The following KCNIP3 variants were observed in gnomAD, a reference collection of about 807,000 sequenced individuals.
KCNIP3 encodes potassium voltage-gated channel interacting protein 3, also known as calsenilin.
KCNIP3 carries 28 observed loss-of-function variants against 35.0 expected under a neutral mutation model. That is an observed-to-expected ratio of 0.80 (90% confidence interval 0.59 to 1.10). KCNIP3 has a LOEUF of 1.10. Ranked by LOEUF, KCNIP3 falls within the 50% of genes least tolerant of loss-of-function variation. KCNIP3 has a pLI of 0.00. For synonymous variants in KCNIP3, 134 were observed against 133.8 expected, an observed-to-expected ratio of 1.00 and a Z score of -0.01; for missense variants, 295 against 338.4, an observed-to-expected ratio of 0.87 and a Z score of 1.01.
chr2:95,305,944 C>A (rs563454701), intron 1 of KCNIP3, among the ~76,000 whole-genome samples: 47 of 152,286 alleles, frequency 3.1e-4, no homozygotes, highest in African/African-American at 1.1e-3. Context: ...AGTAAAGCTG[C>A]CATGAACATT....
At chr2:95,383,727 C>T (rs761827477) in intron 8 of KCNIP3, among the ~76,000 whole-genome samples, 3 of 152,246 alleles carry the variant, frequency 2.0e-5, no homozygotes, top group Non-Finnish European at 2.9e-5. Context: ...TCCTGGTTAG[C>T]GCCCACCTCC....
At chr2:95,350,772 A>T (rs1679496026) in intron 2 of KCNIP3, among the ~76,000 whole-genome samples, 1 of 152,180 alleles carries the variant, frequency 6.6e-6, no homozygotes, top group African/African-American at 2.4e-5. Context: ...TGGGAACTTT[A>T]AAAAATACCC....
intron 2 of KCNIP3, among the ~76,000 whole-genome samples, chr2:95,361,785 C>G (rs894653302): frequency 6.6e-6 from 1 of 152,220 alleles, no homozygotes; most frequent in African/African-American, 2.4e-5. Flanking sequence ...TGCACAGGCA[C>G]TGTTCCAGGG....
At chr2:95,357,332 A>C (rs1254419881) in intron 2 of KCNIP3, among the ~76,000 whole-genome samples, 1 of 152,190 alleles carries the variant, frequency 6.6e-6, no homozygotes, top group East Asian at 1.9e-4. Context: ...CCTGAGCAGC[A>C]GAGACTAAGT....
rs145403581 is a variant in KCNIP3 at position 95,335,390 on chromosome 2, C to T, written c.181+24870C>T. Among the ~76,000 whole-genome samples the T allele has an allele frequency of 2.5e-4, 38 of 152,310 alleles. No individual in the cohort carries two copies. The East Asian group carries it at 7.1e-3, about 29-fold the overall frequency. On this transcript the variant is annotated intron_variant, in intron 2 of 8. Transcript: ENST00000295225. ...CCAGTTACTGTTCTTTGAGCAATAG[C>T]ATTTGAAAAATGTTCTTCCATTGTA... is the stretch of plus-strand genomic sequence containing the variant.
intron 2 of KCNIP3, among the ~76,000 whole-genome samples, chr2:95,334,341 G>A (rs1466252454): frequency 2.6e-5 from 4 of 152,116 alleles, no homozygotes; most frequent in Admixed American, 6.5e-5. Context: ...TGTGCACCTG[G>A]TTCTCATGAC....
At position 95,378,705 on chromosome 2, in the gene KCNIP3, C is replaced by T. The variant is rs1312640035; in HGVS notation, c.448-2891C>T. Among the ~76,000 whole-genome samples the T allele has an allele frequency of 6.6e-6, 1 of 151,312 alleles. No individual in the cohort carries two copies. The highest frequency in any genetic ancestry group is 2.4e-5 in the African/African-American group (1 of 41,150). On this transcript the variant is annotated intron_variant, in intron 5 of 8. Transcript: ENST00000295225. The surrounding 1 kb of genome is among the most constrained non-coding windows in gnomAD (Gnocchi z 4.0). ...GAGGTTGCAGTGAGCTGAGATTGCA[C>T]CACTGTACTCCATCCAGCCTGGGTG...
intron 1 of KCNIP3, among the ~76,000 whole-genome samples, chr2:95,301,253 G>A (rs1392950931): frequency 5.9e-5 from 9 of 152,250 alleles, no homozygotes; most frequent in Non-Finnish European, 7.3e-5. Context: ...GGAGGCACGG[G>A]CCTGGCTGAC....
chr2:95,298,015 A>C (rs1288808393), intron 1 of KCNIP3, among the ~76,000 whole-genome samples: 1 of 152,226 alleles, frequency 6.6e-6, no homozygotes, highest in African/African-American at 2.4e-5. Flanking sequence ...CTTCCCACAC[A>C]TTCCCTTTCA....
intron 1 of KCNIP3, among the ~76,000 whole-genome samples, chr2:95,303,658 A>G (rs755911880): frequency 2.6e-5 from 4 of 151,856 alleles, no homozygotes; most frequent in South Asian, 2.1e-4. Flanking sequence ...CGAACCCCCA[A>G]TCTGATCTGC....
At chr2:95,313,619 A>C (rs1297903009) in intron 2 of KCNIP3, 1 of 152,246 alleles carries the variant, frequency 6.6e-6, no homozygotes, top group East Asian at 1.9e-4. Context: ...ACAACTGGAC[A>C]GACCTGTTTC....
rs139517527 is a variant in KCNIP3, at chr2:95,311,370, G to A, written c.181+850G>A. ...GGGATCACACATGTGAGTATGGTGCGTATAAGAGTCTGCCTCTGACTTTAA... is the reference window on the plus strand; with the variant it reads ...GGGATCACACATGTGAGTATGGTGCATATAAGAGTCTGCCTCTGACTTTAA... On this transcript the variant is annotated intron_variant, in intron 2 of 8. Transcript: ENST00000295225. 4.7e-3 allele frequency: 721 copies of A among 152,420 alleles called. 2 individuals are homozygous for A. Among genetic ancestry groups the A allele is most frequent in the Non-Finnish European group, 8.6e-3 (585 of 68,106 alleles). The allele number at this position is 152,420 out of a possible 1,614,324, so 9.4% of individuals were successfully genotyped here.
intron 2 of KCNIP3, among the ~76,000 whole-genome samples, chr2:95,320,700 C>T (rs1678572734): frequency 6.6e-6 from 1 of 152,176 alleles, no homozygotes; most frequent in Non-Finnish European, 1.5e-5. Flanking sequence ...CACCCGACCT[C>T]CTCCAGGAGT....
At chr2:95,340,234 G>C (rs1679161683) in intron 2 of KCNIP3, among the ~76,000 whole-genome samples, 1 of 152,214 alleles carries the variant, frequency 6.6e-6, no homozygotes, top group Non-Finnish European at 1.5e-5. Flanking sequence ...CTGCTCAGGA[G>C]GTGCGGCAGG....
chr2:95,358,595 G>A (rs965779643), intron 2 of KCNIP3, among the ~76,000 whole-genome samples: 1 of 152,162 alleles, frequency 6.6e-6, no homozygotes, highest in African/African-American at 2.4e-5. Flanking sequence ...TAATTCTATT[G>A]TACAGAAATG....
rs1680378098 is a variant in KCNIP3 at position 95,382,612 on chromosome 2, C to T, written c.660+131C>T. 1.7e-6 allele frequency: 1 copy of T among 593,234 alleles called. No homozygotes were observed. The highest frequency in any genetic ancestry group is 2.2e-5 in the South Asian group (1 of 44,736). 36.7% of individuals were successfully genotyped at this position (593,234 alleles called of 1,614,324 possible). On this transcript the variant is annotated intron_variant, in intron 7 of 8. Transcript: ENST00000295225. This position sits in a 1 kb window ranked among gnomAD's most constrained non-coding sequence, Gnocchi z 4.5. Reference sequence around the variant, plus strand: ...CTCCCCATGAGGAGGTTAAACTTGCCCCTCCAGTCTGGCTGGTTGTCAGAA... The same window carrying T: ...CTCCCCATGAGGAGGTTAAACTTGCTCCTCCAGTCTGGCTGGTTGTCAGAA...
At chr2:95,309,965 G>T (rs1372346264) in intron 1 of KCNIP3, among the ~76,000 whole-genome samples, 1 of 152,236 alleles carries the variant, frequency 6.6e-6, no homozygotes, top group Non-Finnish European at 1.5e-5. Context: ...ACCCTGTACA[G>T]ATCCACTTGC....
chr2:95,305,962 A>G (rs1433641345), intron 1 of KCNIP3, among the ~76,000 whole-genome samples: 1 of 152,226 alleles, frequency 6.6e-6, no homozygotes, highest in East Asian at 1.9e-4. Context: ...ATTTGTGTAC[A>G]TGTTTTCACT....
intron 2 of KCNIP3, among the ~76,000 whole-genome samples, chr2:95,349,084 G>T (rs1679447069): frequency 6.6e-6 from 1 of 151,754 alleles, no homozygotes; most frequent in African/African-American, 2.4e-5. Flanking sequence ...CTCTCACTCA[G>T]ACACCCCCCC....
Sources: gnomAD v4.1 joint callset for allele counts (sites outside exome capture counted in the v4.1 genomes callset) on GRCh38, gnomAD v4.1.1 for gene constraint, Gnocchi (gnomAD v3.1) non-coding constraint, MANE v1.5 for transcripts, NCBI Gene and HGNC (gene_info 2026-07-23, HGNC 2026-07-21) for gene names.